The following CNNM2 variants were observed in gnomAD, a reference collection of about 807,000 sequenced individuals.
The protein encoded by CNNM2 is cyclin and CBS domain divalent metal cation transport mediator 2.
A neutral mutation model predicts 66.9 loss-of-function variants in CNNM2; 12 were observed. The ratio of observed to expected loss-of-function variants is 0.18; its 90% CI spans 0.11 to 0.29. The LOEUF is 0.29. Ranked by LOEUF, CNNM2 falls within the 10% of genes least tolerant of loss-of-function variation. The pLI, the probability that CNNM2 is intolerant of heterozygous loss-of-function variation, is 1.00. For synonymous variants in CNNM2, 557 were observed against 501.8 expected, an observed-to-expected ratio of 1.11 and a Z score of -1.47; for missense variants, 705 against 1,167.7, an observed-to-expected ratio of 0.60 and a Z score of 5.77.
At chr10:103,058,111 G>T (rs2065325105) in intron 4 of CNNM2, among the ~76,000 whole-genome samples, 1 of 152,232 alleles carries the variant, frequency 6.6e-6, no homozygotes, top group Non-Finnish European at 1.5e-5. Flanking sequence ...GGAAAATGCC[G>T]AGGGTTAGCT....
At chr10:103,061,231 A>C (rs546482807) in intron 4 of CNNM2, among the ~76,000 whole-genome samples, 5 of 152,214 alleles carry the variant, frequency 3.3e-5, no homozygotes, top group Admixed American at 2.0e-4. Context: ...CGTCTCTACT[A>C]AAAATGCAAA....
chr10:102,938,911 T>C (rs1190515607), intron 1 of CNNM2, among the ~76,000 whole-genome samples: 1 of 152,146 alleles, frequency 6.6e-6, no homozygotes, highest in Admixed American at 6.6e-5. Flanking sequence ...TGGACAGCGA[T>C]AGATCTCTGA....
intron 1 of CNNM2, 104 bp downstream of exon 1, chr10:102,920,205 G>T (rs1003647370): frequency 8.1e-6 from 13 of 1,606,838 alleles, no homozygotes; most frequent in African/African-American, 1.3e-5. Context: ...CGAGTTGACC[G>T]GGATTTCTCC....
chr10:102,920,155 C>T (rs1378847324), intron 1 of CNNM2, 54 bp downstream of exon 1: 2 of 1,613,632 alleles, frequency 1.2e-6, no homozygotes, highest in Non-Finnish European at 1.7e-6. Context: ...CCATCCTCCT[C>T]CCTACTTGAG....
At chr10:103,001,954 C>G (rs1230031233) in intron 1 of CNNM2, among the ~76,000 whole-genome samples, 5 of 152,152 alleles carry the variant, frequency 3.3e-5, no homozygotes, top group Non-Finnish European at 7.3e-5. Flanking sequence ...CGAGGTCCTG[C>G]CACTGCGCCC....
chr10:102,918,375 C>G lies in CNNM2; in HGVS notation c.-106C>G, dbSNP rs1564802816. 1.5e-5 allele frequency: 22 copies of G among 1,514,324 alleles called. No homozygotes were observed. Among genetic ancestry groups the G allele is most frequent in the Non-Finnish European group, 1.8e-5 (21 of 1,137,438 alleles). 93.8% of individuals were successfully genotyped at this position (1,514,324 alleles called of 1,614,324 possible). The stretch of plus-strand genomic sequence containing the variant: ...CAGTGTCAGTCAGGGAGGCGAACTG[C>G]TGAGCACTGGCCGCGGACGCTCCGT... On this transcript the variant is annotated 5_prime_UTR_variant, in exon 1 of 8. Coordinates refer to ENST00000369878, the MANE Select transcript of CNNM2 (RefSeq NM_017649.5). The surrounding 1 kb of genome is among the most constrained non-coding windows in gnomAD (Gnocchi z 4.1).
At chr10:102,991,231 G>T (rs1174084788) in intron 1 of CNNM2, among the ~76,000 whole-genome samples, 1 of 151,984 alleles carries the variant, frequency 6.6e-6, no homozygotes, top group East Asian at 1.9e-4. Context: ...CAAGTGATCT[G>T]CCTGCCTCGG....
intron 1 of CNNM2, among the ~76,000 whole-genome samples, chr10:103,033,310 TC>T (rs2064865810): frequency 6.6e-6 from 1 of 152,004 alleles, no homozygotes; most frequent in African/African-American, 2.4e-5. Flanking sequence ...TGCCTCAGCC[TC>T]CCGAGTAGTT....
intron 1 of CNNM2, among the ~76,000 whole-genome samples, chr10:103,040,158 C>T (rs1158577310): frequency 6.6e-6 from 1 of 151,908 alleles, no homozygotes; most frequent in Non-Finnish European, 1.5e-5. Flanking sequence ...CAGAGTGAGA[C>T]TCCATCTCAA....
intron 1 of CNNM2, among the ~76,000 whole-genome samples, chr10:103,031,251 A>C (rs577550442): frequency 1.3e-5 from 2 of 152,306 alleles, no homozygotes; most frequent in South Asian, 4.1e-4. Flanking sequence ...CTGTGGGCCA[A>C]AATTACTCTT....
At chr10:103,025,934 A>G (rs2064693161) in intron 1 of CNNM2, among the ~76,000 whole-genome samples, 1 of 152,116 alleles carries the variant, frequency 6.6e-6, no homozygotes, top group Non-Finnish European at 1.5e-5. Flanking sequence ...ACACTGGGAG[A>G]TGGGGGTCTA....
chr10:103,066,119 C>A (rs543453449), intron 4 of CNNM2, among the ~76,000 whole-genome samples: 1 of 152,280 alleles, frequency 6.6e-6, no homozygotes, highest in East Asian at 1.9e-4. Flanking sequence ...CCCTGACCGT[C>A]CTTGCCCCTG....
chr10:103,022,736 A>C (rs1590409446), intron 1 of CNNM2, among the ~76,000 whole-genome samples: 1 of 152,218 alleles, frequency 6.6e-6, no homozygotes, highest in East Asian at 1.9e-4. Context: ...TATAAAGAAA[A>C]AAGGTTTATT....
At chr10:103,038,459 C>T (rs1258431147) in intron 1 of CNNM2, among the ~76,000 whole-genome samples, 13 of 152,204 alleles carry the variant, frequency 8.5e-5, no homozygotes, top group Admixed American at 8.5e-4. Context: ...GTGACCACCT[C>T]AGTGAGTGCT....
intron 1 of CNNM2, among the ~76,000 whole-genome samples, chr10:103,018,215 G>A (rs529686712): frequency 1.3e-5 from 2 of 152,262 alleles, no homozygotes; most frequent in African/African-American, 2.4e-5. Flanking sequence ...GGACCAAGAG[G>A]GTAGAGGTAT....
Position 103,077,490 on chromosome 10 carries a change from C to A in CNNM2, c.*310C>A. The A allele has an allele frequency of 3.1e-6, 1 of 317,498 alleles. No individual in the cohort carries two copies. The allele number at this position is 317,498 out of a possible 1,614,324, so 19.7% of individuals were successfully genotyped here. A position where few individuals can be genotyped will look rare whatever the true frequency, so the allele number is the denominator to read the frequency against. On this transcript the variant is annotated 3_prime_UTR_variant, in exon 8 of 8. Coordinates refer to ENST00000369878, the MANE Select transcript of CNNM2 (RefSeq NM_017649.5). The stretch of plus-strand genomic sequence containing the variant: ...ATCATTATTCACACTCCTCTGCCCT[C>A]GATTTGCATGAAGTTGAAAATTGTT...
At chr10:103,068,607 T>TA in intron 4 of CNNM2, 22 bp from the exon 5 acceptor site, 1 of 1,594,946 alleles carries the variant, frequency 6.3e-7, no homozygotes, top group Non-Finnish European at 8.6e-7. Flanking sequence ...GGACTGAAAA[T>TA]ACCTGCCTTT....
chr10:102,919,794 G>C lies in CNNM2; in HGVS notation c.1314G>C (p.Ala438=). The C allele has an allele frequency of 1.2e-6, 2 of 1,614,226 alleles. No individual in the cohort carries two copies. Among genetic ancestry groups the C allele is most frequent in the Non-Finnish European group, 1.7e-6 (2 of 1,180,036 alleles). The stretch of plus-strand genomic sequence containing the variant: ...AGGAGCTGAACATCATCCAAGGGGC[G>C]CTGGAGCTCCGCACCAAGACGGTGG... ...VKEELNIIQG[A]LELRTKTVED... Residue 438 remains alanine (A), a synonymous_variant, in exon 1 of 8, where the codon GCG becomes GCC. Coordinates refer to ENST00000369878, the MANE Select transcript of CNNM2 (RefSeq NM_017649.5).
intron 1 of CNNM2, among the ~76,000 whole-genome samples, chr10:103,011,424 G>T (rs1234254065): frequency 6.6e-6 from 1 of 151,622 alleles, no homozygotes; most frequent in Non-Finnish European, 1.5e-5. Flanking sequence ...CTGCATTCCA[G>T]CCTGGGCAAC....
Sources: gnomAD v4.1 joint callset for allele counts (sites outside exome capture counted in the v4.1 genomes callset) on GRCh38, gnomAD v4.1.1 for gene constraint, Gnocchi (gnomAD v3.1) non-coding constraint, MANE v1.5 for transcripts, NCBI Gene and HGNC (gene_info 2026-07-23, HGNC 2026-07-21) for gene names.